Variants in NEGR1 observed in about 807,000 individuals in gnomAD.
NEGR1 encodes neuronal growth regulator 1.
In NEGR1, 10 loss-of-function variants were observed where a neutral mutation model predicts 40.9. The observed-to-expected ratio is 0.24, with a 90% CI of 0.15 to 0.42. The LOEUF is 0.42. NEGR1 is among the 10% of genes least tolerant of loss of function. The pLI, the probability that NEGR1 is intolerant of heterozygous loss-of-function variation, is 1.00. For synonymous variants in NEGR1, 185 were observed against 166.8 expected, an observed-to-expected ratio of 1.11 and a Z score of -0.84; for missense variants, 352 against 438.9, an observed-to-expected ratio of 0.80 and a Z score of 1.77.
chr1:71,948,498 A>T (rs12138366), intron 1 of NEGR1, among the ~76,000 whole-genome samples: 5,572 of 102,472 alleles, frequency 0.054, 322 homozygotes, highest in African/African-American at 0.19. Context: ...TGTGTGTGTG[A>T]GAGAGAGAGA....
intron 4 of NEGR1, among the ~76,000 whole-genome samples, chr1:71,665,840 A>G (rs1263897598): frequency 6.6e-6 from 1 of 152,078 alleles, no homozygotes; most frequent in Non-Finnish European, 1.5e-5. Flanking sequence ...CATACCTCCT[A>G]TGGCTCTAGT....
intron 1 of NEGR1, among the ~76,000 whole-genome samples, chr1:72,030,720 A>G (rs1411743073): frequency 6.6e-6 from 1 of 152,162 alleles, no homozygotes; most frequent in Non-Finnish European, 1.5e-5. Flanking sequence ...ACATTAGATA[A>G]AGCAAATGTA....
chr1:71,872,359 G>T (rs2101834170), intron 2 of NEGR1, among the ~76,000 whole-genome samples: 1 of 152,248 alleles, frequency 6.6e-6, no homozygotes, highest in Non-Finnish European at 1.5e-5. Context: ...GGAATTAAAG[G>T]AGTAGTATTG....
chr1:71,925,210 A>G (rs1645761014), intron 2 of NEGR1, among the ~76,000 whole-genome samples: 1 of 152,202 alleles, frequency 6.6e-6, no homozygotes, highest in Non-Finnish European at 1.5e-5. Flanking sequence ...TGCTAAAGGT[A>G]TGTGTATTTT....
intron 1 of NEGR1, among the ~76,000 whole-genome samples, chr1:72,076,005 T>C (rs1647715650): frequency 6.6e-6 from 1 of 152,182 alleles, no homozygotes; most frequent in South Asian, 2.1e-4. Context: ...AACAAGACTG[T>C]TATACAAATC....
At chr1:71,694,195 T>C (rs933934926) in intron 4 of NEGR1, among the ~76,000 whole-genome samples, 2 of 151,748 alleles carry the variant, frequency 1.3e-5, no homozygotes, top group African/African-American at 2.4e-5. Context: ...TGTCCAAGTC[T>C]ACATTCACTA....
At chr1:72,142,525 T>TAGATA (rs149351302) in intron 1 of NEGR1, among the ~76,000 whole-genome samples, 1 of 146,490 alleles carries the variant, frequency 6.8e-6, no homozygotes, top group African/African-American at 2.5e-5. Flanking sequence ...CCTAGATAGA[T>TAGATA]GATAGATAGA....
At chr1:72,266,098 A>G (rs1342554545) in intron 1 of NEGR1, among the ~76,000 whole-genome samples, 4 of 150,914 alleles carry the variant, frequency 2.7e-5, no homozygotes, top group Non-Finnish European at 6.0e-5. Context: ...TGTTATTGAT[A>G]TTAACATTTT....
chr1:72,099,025 G>T (rs559663695), intron 1 of NEGR1, among the ~76,000 whole-genome samples: 2 of 151,492 alleles, frequency 1.3e-5, no homozygotes, highest in African/African-American at 4.8e-5. Flanking sequence ...TATTCAACTC[G>T]ACTTTTAATA....
At chr1:71,996,663 C>G (rs555317934) in intron 1 of NEGR1, among the ~76,000 whole-genome samples, 2 of 152,210 alleles carry the variant, frequency 1.3e-5, no homozygotes, top group African/African-American at 4.8e-5. Flanking sequence ...CTTGCCTGCT[C>G]CCATCAATGC....
chr1:72,274,105 C>G (rs764185733), intron 1 of NEGR1, among the ~76,000 whole-genome samples: 1 of 151,552 alleles, frequency 6.6e-6, no homozygotes, highest in Non-Finnish European at 1.5e-5. Context: ...TACTGCATTG[C>G]AGCTTGGTCC....
chr1:71,649,583 G>A (rs892625524), intron 4 of NEGR1, among the ~76,000 whole-genome samples: 1 of 152,110 alleles, frequency 6.6e-6, no homozygotes, highest in Non-Finnish European at 1.5e-5. Flanking sequence ...GTGAAAAACA[G>A]TATGCAGAAA....
At chr1:71,977,061 G>A (rs1204583029) in intron 1 of NEGR1, among the ~76,000 whole-genome samples, 2 of 152,144 alleles carry the variant, frequency 1.3e-5, no homozygotes, top group African/African-American at 4.8e-5. Flanking sequence ...GGTGGCTCAT[G>A]GCTGTAATCT....
At chr1:71,542,192 T>G (rs760825347) in intron 6 of NEGR1, among the ~76,000 whole-genome samples, 2 of 151,650 alleles carry the variant, frequency 1.3e-5, no homozygotes, top group African/African-American at 2.4e-5. Flanking sequence ...AAGTCCAAGG[T>G]GCTTCAGAAG....
chr1:71,973,409 C>T (rs149697472), intron 1 of NEGR1, among the ~76,000 whole-genome samples: 7 of 151,580 alleles, frequency 4.6e-5, no homozygotes, highest in African/African-American at 1.7e-4. Flanking sequence ...GACTTTTGTC[C>T]TCCAGGCTGT....
intron 1 of NEGR1, chr1:72,100,687 T>C (rs964164045): frequency 2.0e-5 from 3 of 152,218 alleles, no homozygotes; most frequent in African/African-American, 7.2e-5. Flanking sequence ...GAACCTCGTC[T>C]TCTGAGGGCC....
In NEGR1 at chr1:71,407,560, T is replaced by A; in HGVS notation, c.951A>T (p.Thr317=). ...NASLPLNPPS[T]AQYGITGSAD... ...CGCTCCCGGTAATTCCATACTGGGCTGTACTTGGAGCTGGAAAGAAATGGA... is the reference window on the plus strand; with the variant it reads ...CGCTCCCGGTAATTCCATACTGGGCAGTACTTGGAGCTGGAAAGAAATGGA... The change falls in exon 7 of 7, where the codon ACA becomes ACT. Residue 317 remains threonine (T), a synonymous_variant. Transcript: ENST00000357731. 1 of 1,612,022 alleles carries A rather than the reference T, an allele frequency of 6.2e-7. No individual in the cohort carries two copies. The highest frequency in any genetic ancestry group is 8.5e-7 in the Non-Finnish European group (1 of 1,178,412).
intron 2 of NEGR1, among the ~76,000 whole-genome samples, chr1:71,815,239 G>A (rs1658159638): frequency 6.6e-6 from 1 of 152,064 alleles, no homozygotes; most frequent in South Asian, 2.1e-4. Flanking sequence ...TTAATCCTGA[G>A]TTCTAATTTG....
At chr1:71,818,651 A>G (rs1658314706) in intron 2 of NEGR1, among the ~76,000 whole-genome samples, 5 of 151,956 alleles carry the variant, frequency 3.3e-5, no homozygotes, top group African/African-American at 1.2e-4. Context: ...TTACCTATAT[A>G]ATGAAACTGC....
Sources: gnomAD v4.1 joint callset for allele counts (sites outside exome capture counted in the v4.1 genomes callset) on GRCh38, gnomAD v4.1.1 for gene constraint, MANE v1.5 for transcripts, NCBI Gene and HGNC (gene_info 2026-07-23, HGNC 2026-07-21) for gene names.